KLHL14: variants seen among roughly 807,000 people sequenced by gnomAD.
KLHL14 encodes kelch-like protein 14.
Under a neutral mutation model 64.3 loss-of-function variants are expected in KLHL14, and 22 were observed. That is an observed-to-expected ratio of 0.34 (90% CI 0.24 to 0.49). KLHL14 has a LOEUF of 0.49. KLHL14 is among the 20% of genes least tolerant of loss of function. KLHL14 has a pLI of 0.99. For missense variants in KLHL14, 661 were observed against 789.0 expected, an observed-to-expected ratio of 0.84 and a Z score of 1.94; for synonymous variants, 322 against 333.4, an observed-to-expected ratio of 0.97 and a Z score of 0.37.
intron 3 of KLHL14, among the ~76,000 whole-genome samples, chr18:32,725,583 C>T (rs1412682452): frequency 1.3e-5 from 2 of 152,160 alleles, no homozygotes; most frequent in Admixed American, 6.5e-5. Context: ...TGGCACAGCA[C>T]GAGAGTTAAT....
In KLHL14 at chr18:32,695,489, C is replaced by G; in HGVS notation, c.1133G>C (p.Gly378Ala). The G allele has an allele frequency of 6.2e-7, 1 of 1,612,694 alleles. No individual in the cohort carries two copies. The highest frequency in any genetic ancestry group is 1.1e-5 in the South Asian group (1 of 91,028). Residue 378 changes from glycine to alanine, a missense_variant, in exon 4 of 9, where the codon GGT becomes GCT. Transcript: ENST00000359358. ...ATTCGGATTCCACTGGTCCTCTCCACCCAACACGAACAAGAAGTTTTCCAC... is the reference window on the plus strand; with the variant it reads ...ATTCGGATTCCACTGGTCCTCTCCAGCCAACACGAACAAGAAGTTTTCCAC... ...VEVENFLFVL[G>A]GEDQWNPNGK...
chr18:32,716,220 T>C (rs2050044411), intron 3 of KLHL14, among the ~76,000 whole-genome samples: 2 of 152,118 alleles, frequency 1.3e-5, no homozygotes, highest in Admixed American at 1.3e-4. Context: ...ATTCTAATAT[T>C]ATTATTTCTT....
Position 32,716,334 on chromosome 18 carries a change from T to TA in KLHL14, c.1070-20783dup, listed in dbSNP as rs201327124. Among the ~76,000 whole-genome samples the TA allele has an allele frequency of 9.5e-3, 1,436 of 151,410 alleles. 16 individuals carry two copies. Among genetic ancestry groups the TA allele is most frequent in the Non-Finnish European group, 0.013 (900 of 67,894 alleles). ...CAAATTATCAATCATGTATCAGCTG[T>TA]AAAAAAAACAGTGGCTTTTTTGGTG... is the stretch of plus-strand genomic sequence containing the variant. On this transcript the variant is annotated intron_variant, in intron 3 of 8. Coordinates refer to ENST00000359358, the MANE Select transcript of KLHL14 (RefSeq NM_020805.3).
chr18:32,722,334 A>G (rs1286990933), intron 3 of KLHL14, among the ~76,000 whole-genome samples: 1 of 152,180 alleles, frequency 6.6e-6, no homozygotes, highest in Non-Finnish European at 1.5e-5. Context: ...CTTTACCAGA[A>G]ACAGCCTCAA....
chr18:32,721,796 T>C (rs1439848782), intron 3 of KLHL14, among the ~76,000 whole-genome samples: 3 of 152,154 alleles, frequency 2.0e-5, no homozygotes, highest in African/African-American at 4.8e-5. Context: ...ATCACAACGA[T>C]AGTGAACCCG....
At position 32,727,180 on chromosome 18, in the gene KLHL14, T is replaced by C. The variant is rs140153775; in HGVS notation, c.1069+14748A>G. ...ACAAAAGCTGCTTCTTAAAAAGGTA[T>C]GTATTTTATACTTCTGGTCTTTTTT... On this transcript the variant is annotated intron_variant, in intron 3 of 8. Coordinates refer to ENST00000359358, the MANE Select transcript of KLHL14 (RefSeq NM_020805.3). 3.9e-5 allele frequency among the ~76,000 whole-genome samples: 6 copies of C among 152,374 alleles called. No individual in the cohort carries two copies. The East Asian group carries it at 5.8e-4, about 15-fold the overall frequency.
chr18:32,736,960 G>T (rs1055505707), intron 3 of KLHL14, among the ~76,000 whole-genome samples: 2 of 152,008 alleles, frequency 1.3e-5, no homozygotes, highest in African/African-American at 4.8e-5. Flanking sequence ...AGGTTATTGA[G>T]AGGAGAGATT....
chr18:32,752,114 G>A (rs965552030), intron 2 of KLHL14, among the ~76,000 whole-genome samples: 2 of 152,062 alleles, frequency 1.3e-5, no homozygotes, highest in African/African-American at 2.4e-5. Flanking sequence ...GCAACAGAGT[G>A]AGACTCCATC....
At chr18:32,687,371 G>A (rs1368293390) in intron 4 of KLHL14, 138 bp from the exon 5 acceptor site, 10 of 661,036 alleles carry the variant, frequency 1.5e-5, no homozygotes, top group Admixed American at 4.7e-5. Context: ...AACACAGCAC[G>A]GGCGATGAGT....
intron 3 of KLHL14, among the ~76,000 whole-genome samples, chr18:32,700,563 T>G (rs998089186): frequency 1.1e-4 from 17 of 152,120 alleles, no homozygotes; most frequent in Admixed American, 6.5e-4. Flanking sequence ...AGACATACTG[T>G]TTAGTGTCTT....
At chr18:32,759,666 A>T (rs956732415) in intron 2 of KLHL14, among the ~76,000 whole-genome samples, 1 of 151,654 alleles carries the variant, frequency 6.6e-6, no homozygotes, top group African/African-American at 2.4e-5. Context: ...ACTACACAAT[A>T]CAGCTGTTTT....
intron 3 of KLHL14, among the ~76,000 whole-genome samples, chr18:32,697,791 T>C (rs2049944218): frequency 6.6e-6 from 1 of 152,180 alleles, no homozygotes; most frequent in African/African-American, 2.4e-5. Context: ...ACTATTGCAC[T>C]GAGCTAACTA....
chr18:32,682,850 A>G (rs8098464), intron 5 of KLHL14, among the ~76,000 whole-genome samples: 23,614 of 152,066 alleles, frequency 0.16, 2,107 homozygotes, highest in African/African-American at 0.24. Flanking sequence ...CACTGACACT[A>G]AGGTAGGTCA....
rs201954195 is a variant in KLHL14, at chr18:32,770,292, C to A, written c.300G>T (p.Pro100=). 4 of 1,586,580 alleles carry A rather than the reference C, an allele frequency of 2.5e-6. No homozygotes were observed. The highest frequency in any genetic ancestry group is 1.3e-5 in the African/African-American group (1 of 74,532). Residue 100 remains proline (P), a synonymous_variant, in exon 2 of 9, where the codon CCG becomes CCT. Transcript: ENST00000359358. The surrounding 1 kb of genome is among the most constrained non-coding windows in gnomAD (Gnocchi z 6.7). ...AAGAAGGAGTCCCGGGCTCCTCCTG[C>A]GGCGGCGGCTGCTGCTGCTGTGACG... The part of the protein sequence containing the change: ...QQPSQQQQPP[P]QEEPGTPSSS...
At chr18:32,679,068 T>C (rs2049825078) in intron 7 of KLHL14, among the ~76,000 whole-genome samples, 1 of 152,060 alleles carries the variant, frequency 6.6e-6, no homozygotes, top group Non-Finnish European at 1.5e-5. Flanking sequence ...AATAAAAAGG[T>C]AAGCATCACA....
chr18:32,737,329 T>G (rs2050171428), intron 3 of KLHL14: 2 of 152,166 alleles, frequency 1.3e-5, no homozygotes, highest in Admixed American at 1.3e-4. Context: ...CTAATTTTAC[T>G]TTCCTCCCTT....
At chr18:32,768,006 A>C (rs1047305696) in intron 2 of KLHL14, among the ~76,000 whole-genome samples, 2 of 152,226 alleles carry the variant, frequency 1.3e-5, no homozygotes, top group Non-Finnish European at 2.9e-5. Flanking sequence ...CAAAAATTTA[A>C]ATCACAGAAT....
intron 2 of KLHL14, among the ~76,000 whole-genome samples, chr18:32,760,341 CACACACACACACACACACACATAT>C (rs1468965252): frequency 1.9e-5 from 1 of 53,734 alleles, no homozygotes; most frequent in East Asian, 3.1e-4. Context: ...CACAGACATA[CACACACACACACACACACACATAT>C]ACACACACAC....
At position 32,734,005 on chromosome 18, in the gene KLHL14, A is replaced by G. The variant is rs1470444056; in HGVS notation, c.1069+7923T>C. On this transcript the variant is annotated intron_variant, in intron 3 of 8. Transcript: ENST00000359358. Reference sequence around the variant, plus strand: ...AGTCTCAAATCAGCTTGATGTTGGGATGACTATTCTTCTCACCCAGAGGTC... The same window carrying G: ...AGTCTCAAATCAGCTTGATGTTGGGGTGACTATTCTTCTCACCCAGAGGTC... 23 of 601,510 alleles carry G rather than the reference A, an allele frequency of 3.8e-5. No homozygotes were observed. In the East Asian group the frequency reaches 4.7e-4, roughly 12 times the overall value. The allele number at this position is 601,510 out of a possible 1,614,324, so 37.3% of individuals were successfully genotyped here.
Sources: gnomAD v4.1 joint callset for allele counts (sites outside exome capture counted in the v4.1 genomes callset) on GRCh38, gnomAD v4.1.1 for gene constraint, Gnocchi (gnomAD v3.1) non-coding constraint, MANE v1.5 for transcripts, NCBI Gene and HGNC (gene_info 2026-07-23, HGNC 2026-07-21) for gene names.